The following RLIM variants were observed in gnomAD, a reference collection of about 807,000 sequenced individuals.
The protein encoded by RLIM is ring finger protein, LIM domain interacting.
In RLIM, 2 loss-of-function variants were observed where a neutral mutation model predicts 34.0. The observed-to-expected ratio is 0.06, with a 90% CI of 0.02 to 0.19. The LOEUF is 0.19. Ranked by LOEUF, RLIM falls within the 10% of genes least tolerant of loss-of-function variation. RLIM has a pLI of 1.00. For synonymous variants in RLIM, 169 were observed against 164.0 expected (o/e 1.03, Z -0.23); for missense variants, 286 against 479.7 (o/e 0.60, Z 3.77).
intron 1 of RLIM, among the ~76,000 whole-genome samples, chrX:74,600,201 G>A (rs1163667057): frequency 9.1e-6 from 1 of 110,199 alleles, no homozygotes; most frequent in Non-Finnish European, 1.9e-5. Flanking sequence ...ATAAACTTCT[G>A]ACAAATGGTT....
intron 1 of RLIM, among the ~76,000 whole-genome samples, chrX:74,603,185 T>C (rs1042436741): frequency 9.0e-6 from 1 of 110,612 alleles, no homozygotes; most frequent in Non-Finnish European, 1.9e-5. Flanking sequence ...CTTAGGGTCA[T>C]AGTAAGCTAC....
At chrX:74,611,288 T>C (rs1029214120) in intron 1 of RLIM, among the ~76,000 whole-genome samples, 1 of 111,895 alleles carries the variant, frequency 8.9e-6, no homozygotes. Flanking sequence ...TAATCCACCA[T>C]GGCCATGGAA....
rs2079687692 is a variant in RLIM at position 74,607,536 on chromosome X, C to T, written c.-24+6886G>A. Among the ~76,000 whole-genome samples the T allele has an allele frequency of 3.6e-5, 4 of 112,567 alleles. No individual in the cohort carries two copies. The South Asian group carries it at 1.4e-3, about 40-fold the overall frequency. On this transcript the variant is annotated intron_variant, in intron 1 of 3. Transcript: ENST00000332687. ...AGCAGTCTGGCCAACATGGTGAAAC[C>T]CTGTCTCTACAAAAATACAAAAATT...
chrX:74,584,629 T>G lies in RLIM; in HGVS notation c.*6811A>C, dbSNP rs1236431785. On this transcript the variant is annotated 3_prime_UTR_variant, in exon 4 of 4. Transcript: ENST00000332687. ...TTTTGCTCTGTAACCCAGGCTGGAG[T>G]GCATCAGCATGATCATGGCTCACTG... is the stretch of plus-strand genomic sequence containing the variant. Among the ~76,000 whole-genome samples the G allele has an allele frequency of 1.8e-5, 2 of 110,632 alleles. No individual in the cohort carries two copies. Among genetic ancestry groups the G allele is most frequent in the Non-Finnish European group, 3.8e-5 (2 of 52,949 alleles).
intron 1 of RLIM, among the ~76,000 whole-genome samples, chrX:74,607,147 A>G (rs957210242): frequency 2.4e-4 from 24 of 101,110 alleles, no homozygotes; most frequent in African/African-American, 8.7e-4. Context: ...CAAAATTTAA[A>G]AAGTCATATG....
intron 2 of RLIM, among the ~76,000 whole-genome samples, chrX:74,595,457 C>A (rs1357200169): frequency 9.0e-6 from 1 of 111,297 alleles, no homozygotes; most frequent in Admixed American, 9.6e-5. Flanking sequence ...TCAGAGATAA[C>A]AGAATAAGTC....
intron 1 of RLIM, among the ~76,000 whole-genome samples, chrX:74,608,427 TA>T (rs763197483): frequency 0.1 from 8,072 of 77,813 alleles, 331 homozygotes; most frequent in South Asian, 0.17. Context: ...AAAGCATTCC[TA>T]AAAAAAAAAA....
intron 1 of RLIM, among the ~76,000 whole-genome samples, chrX:74,598,012 A>C (rs2079646680): frequency 8.9e-6 from 1 of 112,287 alleles, no homozygotes; most frequent in Admixed American, 9.5e-5. Flanking sequence ...TAAAACAACA[A>C]AGCAAAAAAT....
At position 74,591,447 on chromosome X, in the gene RLIM, A is replaced by G; in HGVS notation, c.1868T>C (p.Val623Ala). ...TGAGAGTTCAGATCTTAATTACACA[A>G]CACTTTCTCTGTTACCAGAAGCTAA... Reference protein sequence around the residue: ...AVLASGNRESVV With the variant: ...AVLASGNRESAV Residue 623 changes from valine to alanine, a missense_variant, in exon 4 of 4, where the codon GTT becomes GCT. Val to Ala is a moderately conservative substitution (Grantham distance 64). This residue lies in a region of RLIM where 14 missense variants were observed against 63.2 expected (regional missense o/e 0.22). Transcript: ENST00000332687. 2 of 1,205,458 alleles carry G rather than the reference A, an allele frequency of 1.7e-6. No individual in the cohort carries two copies. The highest frequency in any genetic ancestry group is 2.2e-6 in the Non-Finnish European group (2 of 890,028).
At chrX:74,596,610 A>G (rs1414935159) in intron 1 of RLIM, among the ~76,000 whole-genome samples, 1 of 112,182 alleles carries the variant, frequency 8.9e-6, no homozygotes, top group East Asian at 2.8e-4. Flanking sequence ...ATCTTGTGAC[A>G]TATGAAAATG....
At chrX:74,602,108 T>A (rs1358120126) in intron 1 of RLIM, among the ~76,000 whole-genome samples, 1 of 111,636 alleles carries the variant, frequency 9.0e-6, no homozygotes, top group African/African-American at 3.3e-5. Flanking sequence ...AAGCTGTGAG[T>A]TAGCACAGAA....
At chrX:74,604,170 A>T in intron 1 of RLIM, among the ~76,000 whole-genome samples, 1 of 111,384 alleles carries the variant, frequency 9.0e-6, no homozygotes, top group Non-Finnish European at 1.9e-5. Flanking sequence ...TACATTAAAA[A>T]ATACTGTTTT....
chrX:74,586,777 T>C lies in RLIM; in HGVS notation c.*4663A>G, dbSNP rs2079589151. 8.9e-6 allele frequency: 1 copy of C among 112,933 alleles called. No individual in the cohort carries two copies. Among genetic ancestry groups the C allele is most frequent in the Non-Finnish European group, 1.9e-5 (1 of 53,450 alleles). 9.3% of individuals were successfully genotyped at this position (112,933 alleles called of 1,213,427 possible). On this transcript the variant is annotated 3_prime_UTR_variant, in exon 4 of 4. Coordinates refer to ENST00000332687, the MANE Select transcript of RLIM (RefSeq NM_016120.4). ...GCAGGTACTTAACTCATAGCTGTTTTAGTTGATTAAAAAATCTGATTTAAA... is the reference window on the plus strand; with the variant it reads ...GCAGGTACTTAACTCATAGCTGTTTCAGTTGATTAAAAAATCTGATTTAAA...
chrX:74,588,147 G>C lies in RLIM; in HGVS notation c.*3293C>G, dbSNP rs2079596010. On this transcript the variant is annotated 3_prime_UTR_variant, in exon 4 of 4. Transcript: ENST00000332687. Reference sequence around the variant, plus strand: ...AGTCAGCAAACTTTTAACTTAACTTGCTCAATTTTGTTTCTAATAGTACTA... The same window carrying C: ...AGTCAGCAAACTTTTAACTTAACTTCCTCAATTTTGTTTCTAATAGTACTA... 8.9e-6 allele frequency: 1 copy of C among 112,275 alleles called. No individual in the cohort carries two copies. Among genetic ancestry groups the C allele is most frequent in the Non-Finnish European group, 1.9e-5 (1 of 53,329 alleles). The allele number at this position is 112,275 out of a possible 1,213,427, so 9.3% of individuals were successfully genotyped here.
Position 74,585,156 on chromosome X carries a change from A to AATGGCG in RLIM, c.*6278_*6283dup, listed in dbSNP as rs1205226096. 2.7e-5 allele frequency: 3 copies of AATGGCG among 112,338 alleles called. No individual in the cohort carries two copies. The highest frequency in any genetic ancestry group is 3.8e-5 in the Non-Finnish European group (2 of 53,312). The allele number at this position is 112,338 out of a possible 1,213,427, so 9.3% of individuals were successfully genotyped here. A position where few individuals can be genotyped will look rare whatever the true frequency, so the allele number is the denominator to read the frequency against. ...GGGCAAGCAAGGGAGTGGTCAGAGC[A>AATGGCG]ATGGCGAGAATACAAGAAACAGCAA... On this transcript the variant is annotated 3_prime_UTR_variant, in exon 4 of 4. Transcript: ENST00000332687.
intron 1 of RLIM, among the ~76,000 whole-genome samples, chrX:74,606,280 G>C (rs983748711): frequency 9.0e-6 from 1 of 111,228 alleles, no homozygotes; most frequent in Non-Finnish European, 1.9e-5. Flanking sequence ...TCCATTCCTG[G>C]AAACAAGAAA....
In RLIM at chrX:74,595,855, T is replaced by G; in HGVS notation, c.123A>C (p.Glu41Asp). ...TATCTCTCATAAGCCTATAATCTTC[T>G]TCACTCAGGTTATTTACAAATTGAT... ...AFYQFVNNLS[E>D]EDYRLMRDNN... The change falls in exon 2 of 4, where the codon GAA becomes GAC. Residue 41 changes from glutamate to aspartate, a missense_variant. Physicochemically the swap from Glu to Asp is conservative, Grantham distance 45. Around this residue, in one of 6 missense-constraint regions of RLIM, gnomAD observed 62 missense variants for 71.3 expected, o/e 0.87. Transcript: ENST00000332687. The G allele has an allele frequency of 8.3e-7, 1 of 1,206,596 alleles. No individual in the cohort carries two copies. Among genetic ancestry groups the G allele is most frequent in the Non-Finnish European group, 1.1e-6 (1 of 891,555 alleles).
At chrX:74,606,165 TAA>T (rs1164088946) in intron 1 of RLIM, among the ~76,000 whole-genome samples, 1 of 112,539 alleles carries the variant, frequency 8.9e-6, no homozygotes, top group East Asian at 2.8e-4. Flanking sequence ...TATTTTTAAA[TAA>T]GTCAACTTTT....
At chrX:74,599,110 T>C (rs1023923780) in intron 1 of RLIM, among the ~76,000 whole-genome samples, 1 of 112,025 alleles carries the variant, frequency 8.9e-6, no homozygotes, top group African/African-American at 3.2e-5. Flanking sequence ...CTCTTTTGTG[T>C]GACAATATGC....
Sources: gnomAD v4.1 joint callset for allele counts (sites outside exome capture counted in the v4.1 genomes callset) on GRCh38, gnomAD v4.1.1 for gene constraint, gnomAD v4.1.1 regional missense constraint, MANE v1.5 for transcripts, NCBI Gene and HGNC (gene_info 2026-07-23, HGNC 2026-07-21) for gene names.